The following FBXL19 variants were observed in gnomAD, a reference collection of about 807,000 sequenced individuals.
The protein encoded by FBXL19 is F-box/LRR-repeat protein 19.
A neutral mutation model predicts 71.2 loss-of-function variants in FBXL19; 16 were observed. The ratio of observed to expected loss-of-function variants is 0.22; its 90% CI spans 0.15 to 0.34. The LOEUF (loss-of-function observed/expected upper bound fraction) is 0.34. Among genes scored for constraint, FBXL19 ranks in the 10% least tolerant of loss-of-function variants. The pLI, the probability that FBXL19 is intolerant of heterozygous loss-of-function variation, is 1.00. For synonymous variants in FBXL19, 447 were observed against 409.4 expected, an observed-to-expected ratio of 1.09 and a Z score of -1.11; for missense variants, 658 against 968.2, an observed-to-expected ratio of 0.68 and a Z score of 4.25.
intron 7 of FBXL19, among the ~76,000 whole-genome samples, chr16:30,936,601 CTTTTTTT>C (rs547272418): frequency 1.7e-5 from 2 of 118,172 alleles, no homozygotes; most frequent in East Asian, 2.4e-4. Context: ...AATTTTTTTT[CTTTTTTT>C]TTTTTTTTTT....
At chr16:30,922,947 T>C (rs1035409223), upstream of FBXL19, 4 of 420,930 alleles carry the variant, frequency 9.5e-6, no homozygotes, top group Non-Finnish European at 2.0e-5. Context: ...AGTCTCCTCG[T>C]CCTCCTGGTT....
intron 7 of FBXL19, among the ~76,000 whole-genome samples, chr16:30,931,242 T>C (rs2055670091): frequency 6.6e-6 from 1 of 151,868 alleles, no homozygotes; most frequent in African/African-American, 2.4e-5. Context: ...AAATTCCTCC[T>C]CCTCTCTATG....
intron 7 of FBXL19, among the ~76,000 whole-genome samples, chr16:30,938,475 T>C (rs548963975): frequency 3.9e-5 from 6 of 152,268 alleles, no homozygotes; most frequent in African/African-American, 1.4e-4. Flanking sequence ...CACTGAGCTC[T>C]AGCCTGGGCG....
Position 30,925,773 on chromosome 16 carries a change from G to T in FBXL19, c.19G>T (p.Gly7Trp). The stretch of plus-strand genomic sequence containing the variant: ...GCCCCCAATGTCGTCGAGCAGCCGG[G>T]GGCCGGGGGCCGGAGCGCGCCGACG... MSSSSR[G>W]PGAGARRRRT... The change falls in exon 2 of 11, where the codon GGG becomes TGG. Residue 7 changes from glycine (G) to tryptophan (W), a missense_variant. Gly to Trp is a radical substitution (Grantham distance 184). This residue lies in a region of FBXL19 where 25 missense variants were observed against 19.3 expected (regional missense o/e 1.30). Transcript: ENST00000338343. The surrounding 1 kb of genome is among the most constrained non-coding windows in gnomAD (Gnocchi z 5.0). The T allele has an allele frequency of 1.8e-5, 27 of 1,484,688 alleles. No individual in the cohort carries two copies. Among genetic ancestry groups the T allele is most frequent in the Non-Finnish European group, 2.3e-5 (26 of 1,122,528 alleles). 92.0% of individuals were successfully genotyped at this position (1,484,688 alleles called of 1,614,324 possible). A position where few individuals can be genotyped will look rare whatever the true frequency, so the allele number is the denominator to read the frequency against.
chr16:30,929,162 C>T (rs961532393), intron 6 of FBXL19, among the ~76,000 whole-genome samples: 3 of 152,188 alleles, frequency 2.0e-5, no homozygotes, highest in Non-Finnish European at 2.9e-5. Flanking sequence ...TTACTTGGCA[C>T]GGACACTCAA....
At chr16:30,933,804 G>A (rs1052573484) in intron 7 of FBXL19, among the ~76,000 whole-genome samples, 1 of 150,388 alleles carries the variant, frequency 6.6e-6, no homozygotes, top group Admixed American at 6.7e-5. Flanking sequence ...CCAGGCTGGA[G>A]TGCAATGGCA....
Position 30,947,349 on chromosome 16 carries a change from CTT to C in FBXL19, c.*120_*121del, listed in dbSNP as rs778453426. ...CCCTGGGATTCCTGAGTGTCAGTGA[CTT>C]GGGATTCCCACCCAGGGACTCAAGC... On this transcript the variant is annotated 3_prime_UTR_variant, in exon 11 of 11. Transcript: ENST00000338343. 5 of 848,424 alleles carry C rather than the reference CTT, an allele frequency of 5.9e-6. No individual in the cohort carries two copies. Among genetic ancestry groups the C allele is most frequent in the Non-Finnish European group, 8.9e-6 (5 of 563,396 alleles). The allele number at this position is 848,424 out of a possible 1,614,324, so 52.6% of individuals were successfully genotyped here.
At chr16:30,928,963 C>T (rs984089411) in intron 6 of FBXL19, among the ~76,000 whole-genome samples, 16 of 152,216 alleles carry the variant, frequency 1.1e-4, no homozygotes, top group Admixed American at 2.0e-4. Flanking sequence ...GCCTTAGTTT[C>T]TTTATCCATG....
Position 30,925,829 on chromosome 16 carries a change from T to C in FBXL19, c.75T>C (p.Cys25=). The C allele has an allele frequency of 6.6e-7, 1 of 1,509,910 alleles. No individual in the cohort carries two copies. Among genetic ancestry groups the C allele is most frequent in the Non-Finnish European group, 8.8e-7 (1 of 1,132,384 alleles). 93.5% of individuals were successfully genotyped at this position (1,509,910 alleles called of 1,614,324 possible). A position where few individuals can be genotyped will look rare whatever the true frequency, so the allele number is the denominator to read the frequency against. ...RRTRCRRCRA[C]VRTECGDCHF... ...CCCGCTGCCGCCGCTGCCGGGCCTG[T>C]GTGCGAACTGAGTGCGGGGATTGCC... is the stretch of plus-strand genomic sequence containing the variant. The change falls in exon 2 of 11, where the codon TGT becomes TGC. Residue 25 remains cysteine (C), a synonymous_variant. Transcript: ENST00000338343. The surrounding 1 kb of genome is among the most constrained non-coding windows in gnomAD (Gnocchi z 5.0).
chr16:30,938,134 G>T (rs2055758717), intron 7 of FBXL19, among the ~76,000 whole-genome samples: 1 of 152,078 alleles, frequency 6.6e-6, no homozygotes, highest in African/African-American at 2.4e-5. Context: ...GCAGGATGAG[G>T]GTAGGAGGGA....
chr16:30,927,738 C>A lies in FBXL19; in HGVS notation c.409-7C>A. 1 of 1,556,796 alleles carries A rather than the reference C, an allele frequency of 6.4e-7. No individual in the cohort carries two copies. Among genetic ancestry groups the A allele is most frequent in the Non-Finnish European group, 8.7e-7 (1 of 1,150,610 alleles). ...AGGTCCTCACCCCCAGCTTCTGTCC[C>A]GCCTAGGATTCAGGTGAGGGGCCTG... On this transcript the variant is annotated splice_region_variant and splice_polypyrimidine_tract_variant and intron_variant, in intron 4 of 10. Transcript: ENST00000338343.
At chr16:30,929,978 C>T in intron 6 of FBXL19, 95 bp from the exon 7 acceptor site, 1 of 1,495,376 alleles carries the variant, frequency 6.7e-7, no homozygotes, top group Non-Finnish European at 9.0e-7. Context: ...CAGGACTGTC[C>T]CTCGGGCTGT....
At chr16:30,940,287 G>A (rs953559990) in intron 7 of FBXL19, among the ~76,000 whole-genome samples, 1 of 151,804 alleles carries the variant, frequency 6.6e-6, no homozygotes, top group African/African-American at 2.4e-5. Flanking sequence ...AGGTGTGGTG[G>A]CATGTGCCTG....
intron 7 of FBXL19, among the ~76,000 whole-genome samples, chr16:30,933,247 C>A (rs959153055): frequency 1.3e-5 from 2 of 152,276 alleles, no homozygotes; most frequent in East Asian, 3.9e-4. Flanking sequence ...AGGTGATTCG[C>A]CTGCCTCAGC....
Position 30,937,031 on chromosome 16 carries a change from C to T in FBXL19, c.1302-5085C>T, listed in dbSNP as rs565620781. 6.6e-5 allele frequency among the ~76,000 whole-genome samples: 10 copies of T among 152,212 alleles called. No homozygotes were observed. In the South Asian group the frequency reaches 1.5e-3, roughly 22 times the overall value. On this transcript the variant is annotated intron_variant, in intron 7 of 10. Transcript: ENST00000338343. ...GCTGGGATTAACAGGCGTGAGCCAC[C>T]GCACACGCTTGCCTCATTTTCTTTA... is the stretch of plus-strand genomic sequence containing the variant.
Position 30,930,272 on chromosome 16 carries a change from C to G in FBXL19, c.989C>G (p.Ala330Gly), listed in dbSNP as rs764521936. Reference sequence around the variant, plus strand: ...AGTGAGGACGAAGCCCCCGGCGAGGCCCGGAATGGGCGACGGCCAGCCCGG... The same window carrying G: ...AGTGAGGACGAAGCCCCCGGCGAGGGCCGGAATGGGCGACGGCCAGCCCGG... ...SLSEDEAPGEARNGRRPARGS... is the reference protein window; with the variant it reads ...SLSEDEAPGEGRNGRRPARGS... Residue 330 changes from alanine (A) to glycine (G), a missense_variant, in exon 7 of 11, where the codon GCC becomes GGC. By Grantham distance (60) the Ala-to-Gly change is moderately conservative (BLOSUM62 0). Around this residue, in one of 8 missense-constraint regions of FBXL19, gnomAD observed 447 missense variants for 515.4 expected, o/e 0.87. Coordinates refer to ENST00000338343, the MANE Select transcript of FBXL19 (RefSeq NM_001382779.1). This position sits in a 1 kb window ranked among gnomAD's most constrained non-coding sequence, Gnocchi z 8.5. 1.2e-6 allele frequency: 2 copies of G among 1,612,680 alleles called. No individual in the cohort carries two copies. The highest frequency in any genetic ancestry group is 2.2e-5 in the South Asian group (2 of 91,082).
upstream of FBXL19, chr16:30,923,291 C>T (rs780493409): frequency 1.4e-5 from 6 of 439,882 alleles, 1 homozygote; most frequent in South Asian, 9.5e-5. Context: ...AGCCTCGGGG[C>T]AACGGGACTC....
Position 30,947,986 on chromosome 16 carries a change from C to G in FBXL19, c.*756C>G, listed in dbSNP as rs1346738580. The G allele has an allele frequency of 2.6e-6, 1 of 389,842 alleles. No homozygotes were observed. The highest frequency in any genetic ancestry group is 2.1e-5 in the African/African-American group (1 of 47,382). 24.1% of individuals were successfully genotyped at this position (389,842 alleles called of 1,614,324 possible). Reference sequence around the variant, plus strand: ...GCGAGGGGCGCCCCAACCCCCTGCCCGCCTCTCCGCACAATACTTGAACAT... The same window carrying G: ...GCGAGGGGCGCCCCAACCCCCTGCCGGCCTCTCCGCACAATACTTGAACAT... On this transcript the variant is annotated 3_prime_UTR_variant, in exon 11 of 11. Coordinates refer to ENST00000338343, the MANE Select transcript of FBXL19 (RefSeq NM_001382779.1).
At position 30,930,516 on chromosome 16, in the gene FBXL19, C is replaced by G; in HGVS notation, c.1233C>G (p.Arg411=). 3 of 1,523,408 alleles carry G rather than the reference C, an allele frequency of 2.0e-6. No individual in the cohort carries two copies. The highest frequency in any genetic ancestry group is 2.6e-6 in the Non-Finnish European group (3 of 1,141,948). 94.4% of individuals were successfully genotyped at this position (1,523,408 alleles called of 1,614,324 possible). A position where few individuals can be genotyped will look rare whatever the true frequency, so the allele number is the denominator to read the frequency against. The change falls in exon 7 of 11, where the codon CGC becomes CGG. Residue 411 remains arginine, a synonymous_variant. Coordinates refer to ENST00000338343, the MANE Select transcript of FBXL19 (RefSeq NM_001382779.1). This position sits in a 1 kb window ranked among gnomAD's most constrained non-coding sequence, Gnocchi z 8.5. Reference sequence around the variant, plus strand: ...CCCTGCCCCGGGCCGCCTGGCTTCGCGTCTTCCAGCACCTCGGGCCGCGGG... The same window carrying G: ...CCCTGCCCCGGGCCGCCTGGCTTCGGGTCTTCCAGCACCTCGGGCCGCGGG... ...DHPLPRAAWL[R]VFQHLGPREL... is the part of the protein sequence containing the mutation.
Sources: allele counts gnomAD v4.1 joint callset (sites outside exome capture counted in the v4.1 genomes callset), GRCh38; gene constraint gnomAD v4.1.1; regional missense constraint gnomAD v4.1.1; non-coding constraint Gnocchi (gnomAD v3.1); transcripts MANE v1.5; gene names NCBI Gene and HGNC (gene_info 2026-07-23, HGNC 2026-07-21).